NBAS: variants seen among roughly 807,000 people sequenced by gnomAD.
The protein encoded by NBAS is NAG/BC035112 fusion.
NBAS carries 219 observed loss-of-function variants against 302.5 expected under a neutral mutation model. That is an observed-to-expected ratio of 0.72 (90% confidence interval 0.65 to 0.81). NBAS has a LOEUF of 0.81. NBAS is among the 30% of genes least tolerant of loss of function. The probability of loss-of-function intolerance (pLI) is 0.00; values close to 1 mark genes in which losing one functional copy is unlikely to be tolerated. For missense variants in NBAS, 2,932 were observed against 2,841.6 expected (o/e 1.03, Z -0.72); for synonymous variants, 1,118 against 1,021.6 (o/e 1.09, Z -1.80).
At chr2:14,792,710 C>T in the NBAS span, among the ~76,000 whole-genome samples, 1 of 151,382 alleles carries the variant, frequency 6.6e-6, no homozygotes, top group African/African-American at 2.4e-5. Flanking sequence ...CTAGAGTCCC[C>T]AAACATAATA....
intron 32 of NBAS, among the ~76,000 whole-genome samples, chr2:15,357,917 T>A (rs1272079111): frequency 3.9e-5 from 6 of 152,146 alleles, no homozygotes; most frequent in African/African-American, 1.4e-4. Context: ...GCTTTAGTCA[T>A]ACCAAGAGAA....
At chr2:15,116,731 C>G in the NBAS span, among the ~76,000 whole-genome samples, 1 of 152,110 alleles carries the variant, frequency 6.6e-6, no homozygotes, top group Admixed American at 6.5e-5. Flanking sequence ...AACGTCTCAG[C>G]AAAAGTAAGT....
the NBAS span, among the ~76,000 whole-genome samples, chr2:15,016,887 T>C: frequency 6.6e-6 from 1 of 152,174 alleles, no homozygotes; most frequent in African/African-American, 2.4e-5. Context: ...ATACTTATGG[T>C]GTACATGAGA....
intron 38 of NBAS, among the ~76,000 whole-genome samples, chr2:15,323,563 C>CT (rs1012024494): frequency 1.3e-5 from 2 of 152,136 alleles, no homozygotes; most frequent in African/African-American, 4.8e-5. Context: ...CTAGAAAAAA[C>CT]TTGATGTATG....
chr2:14,846,401 C>T, the NBAS span, among the ~76,000 whole-genome samples: 1 of 150,056 alleles, frequency 6.7e-6, no homozygotes, highest in Non-Finnish European at 1.5e-5. Context: ...TTTCATCAGA[C>T]CTTTCCTACA....
the NBAS span, among the ~76,000 whole-genome samples, chr2:14,982,618 A>G: frequency 5.9e-5 from 9 of 152,168 alleles, no homozygotes; most frequent in African/African-American, 2.2e-4. Context: ...TATCCAATAT[A>G]TGTGAACATT....
chr2:14,800,382 C>T, the NBAS span, among the ~76,000 whole-genome samples: 40 of 152,306 alleles, frequency 2.6e-4, no homozygotes, highest in Admixed American at 2.0e-3. Flanking sequence ...CAAGATGTGA[C>T]TTGGTCTTCC....
At chr2:15,177,393 A>G (rs1664597701) in intron 51 of NBAS, among the ~76,000 whole-genome samples, 1 of 152,192 alleles carries the variant, frequency 6.6e-6, no homozygotes, top group Admixed American at 6.5e-5. Context: ...TGTGGGTAGT[A>G]AGATTAGTCA....
intron 21 of NBAS, among the ~76,000 whole-genome samples, chr2:15,456,179 A>C (rs889900252): frequency 2.0e-5 from 3 of 152,238 alleles, no homozygotes; most frequent in Non-Finnish European, 2.9e-5. Flanking sequence ...TCAAATACAC[A>C]TGATGATTTA....
chr2:15,376,853 G>A lies in NBAS; in HGVS notation c.3591-2133C>T, dbSNP rs1469711237. ...CAGGCTCACAGGTTGCAATCAGTGA[G>A]GTGCCAGGTTACACACATACAGCAT... On this transcript the variant is annotated intron_variant, in intron 30 of 51. Transcript: ENST00000281513. 3.3e-5 allele frequency among the ~76,000 whole-genome samples: 5 copies of A among 152,100 alleles called. No homozygotes were observed. In the East Asian group the frequency reaches 7.7e-4, roughly 23 times the overall value.
the NBAS span, among the ~76,000 whole-genome samples, chr2:14,808,636 C>G: frequency 6.6e-6 from 1 of 152,166 alleles, no homozygotes; most frequent in Non-Finnish European, 1.5e-5. Flanking sequence ...AGTAAATTGC[C>G]CAGTCTTGGG....
At chr2:15,090,726 G>A in the NBAS span, among the ~76,000 whole-genome samples, 2 of 152,122 alleles carry the variant, frequency 1.3e-5, no homozygotes, top group Non-Finnish European at 2.9e-5. Context: ...ACATTTACAC[G>A]GACAAAATCC....
At chr2:15,260,393 C>T (rs928766564) in intron 44 of NBAS, among the ~76,000 whole-genome samples, 9 of 152,194 alleles carry the variant, frequency 5.9e-5, no homozygotes, top group Admixed American at 6.5e-5. Context: ...GGAAAGACAT[C>T]GGCATTCGTG....
At chr2:15,119,109 G>A in the NBAS span, among the ~76,000 whole-genome samples, 1 of 152,022 alleles carries the variant, frequency 6.6e-6, no homozygotes, top group Non-Finnish European at 1.5e-5. Context: ...CCTCATGGGG[G>A]TGTTCATTTT....
chr2:15,456,432 T>C (rs1679249919), intron 21 of NBAS, among the ~76,000 whole-genome samples: 1 of 152,234 alleles, frequency 6.6e-6, no homozygotes, highest in African/African-American at 2.4e-5. Flanking sequence ...TACCCTTCTA[T>C]GCACTTAATT....
rs554405569 is a variant in NBAS at position 15,450,467 on chromosome 2, C to T, written c.2339+10734G>A. On this transcript the variant is annotated intron_variant, in intron 21 of 51. Transcript: ENST00000281513. ...TCACCTCCTTTGCAACAGAAAGTTG[C>T]ATCTCTCCCATCTCTAAGCCTATCT... Among the ~76,000 whole-genome samples, 4 of 152,230 alleles carry T rather than the reference C, an allele frequency of 2.6e-5. No homozygotes were observed. In the East Asian group the frequency reaches 5.8e-4, roughly 22 times the overall value.
chr2:15,394,483 A>AT, intron 27 of NBAS, 134 bp from the exon 28 acceptor site: 1 of 855,152 alleles, frequency 1.2e-6, no homozygotes. Context: ...AATTTTACAT[A>AT]TAACGTTGAT....
chr2:14,810,785 T>A, the NBAS span, among the ~76,000 whole-genome samples: 1 of 152,242 alleles, frequency 6.6e-6, no homozygotes, highest in African/African-American at 2.4e-5. Context: ...AGTAAAAGCA[T>A]GATAAGTAAC....
chr2:15,075,599 C>T, the NBAS span, among the ~76,000 whole-genome samples: 2 of 152,226 alleles, frequency 1.3e-5, no homozygotes, highest in East Asian at 1.9e-4. Flanking sequence ...CTGCCACAAG[C>T]CCCAATTTCC....
Sources: gnomAD v4.1 joint callset for allele counts (sites outside exome capture counted in the v4.1 genomes callset) on GRCh38, gnomAD v4.1.1 for gene constraint, MANE v1.5 for transcripts, NCBI Gene and HGNC (gene_info 2026-07-23, HGNC 2026-07-21) for gene names.